RPH3AL: variants seen among roughly 807,000 people sequenced by gnomAD.
The protein encoded by RPH3AL is rab effector Noc2.
RPH3AL carries 38 observed loss-of-function variants against 43.1 expected under a neutral mutation model. That is an observed-to-expected ratio of 0.88 (90% CI 0.68 to 1.15). The LOEUF is 1.15. Ranked by LOEUF, RPH3AL falls within the 50% of genes most tolerant of loss-of-function variation. RPH3AL has a pLI of 0.00. For synonymous variants in RPH3AL, 189 were observed against 176.3 expected, an observed-to-expected ratio of 1.07 and a Z score of -0.57; for missense variants, 462 against 423.2, an observed-to-expected ratio of 1.09 and a Z score of -0.81.
At chr17:229,559 G>T (rs1023363881) in intron 7 of RPH3AL, among the ~76,000 whole-genome samples, 2 of 152,220 alleles carry the variant, frequency 1.3e-5, no homozygotes, top group African/African-American at 2.4e-5. Flanking sequence ...GAGCCACGAC[G>T]GAGGGACCTC....
intron 6 of RPH3AL, among the ~76,000 whole-genome samples, chr17:259,254 G>C (rs1295307722): frequency 6.6e-6 from 1 of 152,214 alleles, no homozygotes; most frequent in Non-Finnish European, 1.5e-5. Context: ...GCACACAGGT[G>C]TATCATCCAG....
intron 6 of RPH3AL, among the ~76,000 whole-genome samples, chr17:251,829 T>C (rs1445780539): frequency 6.6e-6 from 1 of 152,226 alleles, no homozygotes; most frequent in Non-Finnish European, 1.5e-5. Context: ...GTCACCTCCC[T>C]GTCCTCCACC....
At position 219,666 on chromosome 17, in the gene RPH3AL, A is replaced by T; in HGVS notation, c.684T>A (p.Thr228=). ...SSSLEDRLPS[T]GVRDRKGDKP... ...TGTCGCCTTTCCGGTCCCTGACCCCAGTGGATGGGAGTCTGTCCTCTAGGC... is the reference window on the plus strand; with the variant it reads ...TGTCGCCTTTCCGGTCCCTGACCCCTGTGGATGGGAGTCTGTCCTCTAGGC... Residue 228 remains threonine, a synonymous_variant, in exon 8 of 10, where the codon ACT becomes ACA. Coordinates refer to ENST00000331302, the MANE Select transcript of RPH3AL (RefSeq NM_006987.4). The T allele has an allele frequency of 6.2e-7, 1 of 1,613,032 alleles. No homozygotes were observed. Among genetic ancestry groups the T allele is most frequent in the African/African-American group, 1.3e-5 (1 of 74,660 alleles).
chr17:277,663 C>T (rs1294045637), intron 6 of RPH3AL, among the ~76,000 whole-genome samples: 3 of 152,080 alleles, frequency 2.0e-5, no homozygotes, highest in East Asian at 1.9e-4. Flanking sequence ...GAATATAAAA[C>T]CAAAGTCTTG....
chr17:273,040 C>CGACGTCAGGGAGAGACCCCAGCAAGGGT (rs2042539411), intron 6 of RPH3AL, among the ~76,000 whole-genome samples: 1 of 56,852 alleles, frequency 1.8e-5, no homozygotes, highest in Non-Finnish European at 3.7e-5. Flanking sequence ...CCAGCGAGGG[C>CGACGTCAGGGAGAGACCCCAGCAAGGGT]GACGTCAGGG....
In RPH3AL at chr17:243,917, T is replaced by TAACCTTCCTC. The variant is rs1555538406; in HGVS notation, c.613+3193_613+3194insGAGGAAGGTT. Among the ~76,000 whole-genome samples the TAACCTTCCTC allele has an allele frequency of 4.2e-3, 596 of 143,376 alleles. 3 individuals carry two copies. The highest frequency in any genetic ancestry group is 0.013 in the African/African-American group (504 of 40,172). 94.1% of individuals were successfully genotyped at this position (143,376 alleles called of 152,430 possible). ...TTCCTCTATTACCTTCCTCTATTGATTACCTTCCTCTACTGATTACCCTTC... is the reference window on the plus strand; with the variant it reads ...TTCCTCTATTACCTTCCTCTATTGATAACCTTCCTCTACCTTCCTCTACTGATTACCCTTC... On this transcript the variant is annotated intron_variant, in intron 7 of 9. Transcript: ENST00000331302.
chr17:229,252 T>C (rs1252549900), intron 7 of RPH3AL, among the ~76,000 whole-genome samples: 1 of 152,072 alleles, frequency 6.6e-6, no homozygotes, highest in Admixed American at 6.6e-5. Context: ...CTCAACTTCC[T>C]CAACATATTC....
intron 6 of RPH3AL, among the ~76,000 whole-genome samples, chr17:272,928 CG>C (rs1567604151): frequency 6.9e-6 from 1 of 145,704 alleles, no homozygotes; most frequent in African/African-American, 2.6e-5. Flanking sequence ...CCAGCAAGGG[CG>C]ACATCAGGGA....
In RPH3AL at chr17:213,609, G is replaced by C; in HGVS notation, c.*243C>G. 1 of 580,762 alleles carries C rather than the reference G, an allele frequency of 1.7e-6. No homozygotes were observed. Among genetic ancestry groups the C allele is most frequent in the Non-Finnish European group, 3.1e-6 (1 of 324,872 alleles). 36.0% of individuals were successfully genotyped at this position (580,762 alleles called of 1,614,324 possible). A position where few individuals can be genotyped will look rare whatever the true frequency, so the allele number is the denominator to read the frequency against. ...GTAGATTGGGGGTGTGGGAGGGGAG[G>C]GTAATAAATAAGGTCGGGGGCTGAG... On this transcript the variant is annotated 3_prime_UTR_variant, in exon 10 of 10. Transcript: ENST00000331302.
intron 1 of RPH3AL, among the ~76,000 whole-genome samples, chr17:339,965 C>T (rs1261214876): frequency 6.6e-6 from 1 of 152,110 alleles, no homozygotes; most frequent in Non-Finnish European, 1.5e-5. Context: ...CCTCAGTCAC[C>T]AGCCCTCAGT....
chr17:321,409 C>T lies in RPH3AL; in HGVS notation c.84G>A (p.Gln28=). ...DRQLALRAKL[Q]TGWSVHTYQT... is the part of the protein sequence containing the mutation. ...GGTAGGTGTGCACGGACCAGCCCGT[C>T]TGCAGCCTCGAGAGGGAACAGCACA... Residue 28 remains glutamine (Q), a synonymous_variant, in exon 4 of 10, where the codon CAG becomes CAA. Transcript: ENST00000331302. 6.2e-7 allele frequency: 1 copy of T among 1,606,500 alleles called. No homozygotes were observed. The highest frequency in any genetic ancestry group is 1.1e-5 in the South Asian group (1 of 90,868).
chr17:333,575 G>C lies in RPH3AL; in HGVS notation c.-37+184C>G. The stretch of plus-strand genomic sequence containing the variant: ...AAATATGATTTTAAACTATAACTTA[G>C]TATTCTGAATACAATACGTTTTACC... On this transcript the variant is annotated intron_variant, in intron 2 of 9. Transcript: ENST00000331302. This position sits in a 1 kb window ranked among gnomAD's most constrained non-coding sequence, Gnocchi z 4.5. The C allele has an allele frequency of 3.4e-6, 1 of 297,398 alleles. No homozygotes were observed. The highest frequency in any genetic ancestry group is 7.8e-5 in the East Asian group (1 of 12,806). 18.4% of individuals were successfully genotyped at this position (297,398 alleles called of 1,614,324 possible).
chr17:344,703 C>A (rs1330530029), intron 1 of RPH3AL, among the ~76,000 whole-genome samples: 1 of 133,950 alleles, frequency 7.5e-6, no homozygotes, highest in Admixed American at 7.2e-5. Flanking sequence ...TCTCAGTTAC[C>A]ACCATCACTA....
At chr17:303,117 T>C (rs79565087) in intron 5 of RPH3AL, among the ~76,000 whole-genome samples, 3,897 of 152,250 alleles carry the variant, frequency 0.026, 69 homozygotes, top group South Asian at 0.067. Context: ...CGTAACTGTA[T>C]CGTTAAGGTT....
At chr17:221,925 G>A (rs79528316) in intron 7 of RPH3AL, among the ~76,000 whole-genome samples, 277 of 20,502 alleles carry the variant, frequency 0.014, 1 homozygote, top group East Asian at 0.027. Context: ...CACTGAGACA[G>A]TAGACCCAAG....
Position 215,711 on chromosome 17 carries a change from C to A in RPH3AL, c.819G>T (p.Gly273=). The A allele has an allele frequency of 7.7e-7, 1 of 1,291,670 alleles. No individual in the cohort carries two copies. The highest frequency in any genetic ancestry group is 9.8e-7 in the Non-Finnish European group (1 of 1,015,510). The allele number at this position is 1,291,670 out of a possible 1,614,324, so 80.0% of individuals were successfully genotyped here. A position where few individuals can be genotyped will look rare whatever the true frequency, so the allele number is the denominator to read the frequency against. The change falls in exon 9 of 10, where the codon GGG becomes GGT. Residue 273 remains glycine (G), a synonymous_variant. Transcript: ENST00000331302. This position sits in a 1 kb window ranked among gnomAD's most constrained non-coding sequence, Gnocchi z 4.1. ...CQSSLASGET[G]TGSADPPGGP... ...CCCCTGGCGGGTCAGCAGAGCCTGT[C>A]CCCGTCTCACCACTGGCCAGGCTGC...
intron 6 of RPH3AL, among the ~76,000 whole-genome samples, chr17:277,773 T>C (rs8068163): frequency 0.26 from 39,751 of 151,780 alleles, 5,621 homozygotes; most frequent in East Asian, 0.42. Context: ...CTGGGCAACA[T>C]GGCAAAACCC....
At chr17:313,512 A>G (rs1007488599) in intron 5 of RPH3AL, among the ~76,000 whole-genome samples, 2 of 152,084 alleles carry the variant, frequency 1.3e-5, no homozygotes, top group Non-Finnish European at 2.9e-5. Context: ...TGCCGGGAAC[A>G]CTGTTCCACC....
chr17:322,619 G>C lies in RPH3AL; in HGVS notation c.78-1204C>G, dbSNP rs771529960. Among the ~76,000 whole-genome samples, 7 of 152,064 alleles carry C rather than the reference G, an allele frequency of 4.6e-5. No individual in the cohort carries two copies. The highest frequency in any genetic ancestry group is 6.5e-5 in the Admixed American group (1 of 15,268). Reference sequence around the variant, plus strand: ...AGGGAGGGGATGAGGCTCTGGAAAGGCTCGCTTTCTTTAGGGAAGTGTCAG... The same window carrying C: ...AGGGAGGGGATGAGGCTCTGGAAAGCCTCGCTTTCTTTAGGGAAGTGTCAG... On this transcript the variant is annotated intron_variant, in intron 3 of 9. Transcript: ENST00000331302. This position sits in a 1 kb window ranked among gnomAD's most constrained non-coding sequence, Gnocchi z 4.0.
Sources: allele counts gnomAD v4.1 joint callset (sites outside exome capture counted in the v4.1 genomes callset), GRCh38; gene constraint gnomAD v4.1.1; non-coding constraint Gnocchi (gnomAD v3.1); transcripts MANE v1.5; gene names NCBI Gene and HGNC (gene_info 2026-07-23, HGNC 2026-07-21).